The following LINGO3 variants were observed in gnomAD, a reference collection of about 807,000 sequenced individuals.
The protein encoded by LINGO3 is leucine rich repeat and Ig domain containing 3.
For synonymous variants in LINGO3, 427 were observed against 444.2 expected (o/e 0.96, Z 0.49); for missense variants, 750 against 867.7 (o/e 0.86, Z 1.70).
chr19:2,304,701 C>T, the LINGO3 span, among the ~76,000 whole-genome samples: 1 of 142,944 alleles, frequency 7.0e-6, no homozygotes, highest in Admixed American at 7.2e-5. Flanking sequence ...CAGCCTTGGC[C>T]ATGTCCTGCT....
At chr19:2,295,742 AAT>A (rs2025566327), upstream of LINGO3, among the ~76,000 whole-genome samples, 1 of 152,122 alleles carries the variant, frequency 6.6e-6, no homozygotes, top group Admixed American at 6.5e-5. Context: ...CGTCTCAATA[AAT>A]ACATAAATAA....
downstream of LINGO3, among the ~76,000 whole-genome samples, chr19:2,288,896 G>A (rs751187875): frequency 1.4e-4 from 22 of 151,914 alleles, no homozygotes; most frequent in Non-Finnish European, 3.1e-4. The surrounding 1 kb of genome is among the most constrained non-coding windows in gnomAD (Gnocchi z 6.5). Flanking sequence ...GTGCTCTCAC[G>A]AGAGCCCTGC....
Position 2,290,021 on chromosome 19 carries a change from T to TG in LINGO3, c.1755dup (p.Lys586GlnfsTer75), listed in dbSNP as rs1299450700. 2 of 1,541,998 alleles carry TG rather than the reference T, an allele frequency of 1.3e-6. No homozygotes were observed. The highest frequency in any genetic ancestry group is 2.8e-5 in the African/African-American group (2 of 71,714). On this transcript the variant is annotated frameshift_variant, in exon 1 of 1. Coordinates refer to ENST00000585527, the Ensembl canonical transcript of LINGO3. LOFTEE classifies it high-confidence loss of function. This position sits in a 1 kb window ranked among gnomAD's most constrained non-coding sequence, Gnocchi z 6.0. ...CCTCAGATCATCTTCATGTTGAACT[T>TG]GCGCGCGCCTCCCTGGCCCGCCGCG...
At chr19:2,304,544 C>T in the LINGO3 span, among the ~76,000 whole-genome samples, 1,431 of 150,880 alleles carry the variant, frequency 9.5e-3, 25 homozygotes, top group African/African-American at 0.032. Context: ...CGAGAGGAGG[C>T]GGGAGGGTGA....
chr19:2,288,740 G>C (rs1190080337), downstream of LINGO3, among the ~76,000 whole-genome samples: 1 of 152,192 alleles, frequency 6.6e-6, no homozygotes, highest in Non-Finnish European at 1.5e-5. This position sits in a 1 kb window ranked among gnomAD's most constrained non-coding sequence, Gnocchi z 6.5. Context: ...TCCTCAGCAA[G>C]ACCTGAGCCC....
At chr19:2,289,260 C>T (rs944695555), downstream of LINGO3, among the ~76,000 whole-genome samples, 1 of 139,778 alleles carries the variant, frequency 7.2e-6, no homozygotes, top group Admixed American at 7.1e-5. Context: ...GCTGTGTGTT[C>T]TGGGTGTGAG....
exon 1 of LINGO3, chr19:2,291,776 T>C: frequency 2.1e-6 from 3 of 1,401,010 alleles, no homozygotes; most frequent in Non-Finnish European, 2.8e-6. Flanking sequence ...CAGCAGGTCA[T>C]GGTGCGGAGC....
the LINGO3 span, among the ~76,000 whole-genome samples, chr19:2,303,279 A>G: frequency 2.0e-5 from 3 of 152,156 alleles, no homozygotes; most frequent in Non-Finnish European, 4.4e-5. Flanking sequence ...GGGCACAAAC[A>G]GGTGAGAATC....
At chr19:2,305,907 C>T in the LINGO3 span, among the ~76,000 whole-genome samples, 3 of 152,226 alleles carry the variant, frequency 2.0e-5, no homozygotes, top group African/African-American at 7.2e-5. Flanking sequence ...ACCCCTGCAT[C>T]CTCTGCCCTA....
the LINGO3 span, among the ~76,000 whole-genome samples, chr19:2,303,700 C>T: frequency 6.6e-6 from 1 of 152,236 alleles, no homozygotes; most frequent in Non-Finnish European, 1.5e-5. Context: ...CTCACCCAAA[C>T]CTGGAAAGTC....
At chr19:2,297,593 G>A in the LINGO3 span, among the ~76,000 whole-genome samples, 14 of 142,052 alleles carry the variant, frequency 9.9e-5, no homozygotes, top group Non-Finnish European at 1.4e-4. Flanking sequence ...ATAAGCCACC[G>A]CACCCGGCCT....
chr19:2,291,485 A>C, exon 1 of LINGO3: 3 of 1,612,300 alleles, frequency 1.9e-6, no homozygotes, highest in Non-Finnish European at 2.5e-6. Flanking sequence ...AGGTTGGCGA[A>C]GGCGCCGGGC....
the LINGO3 span, among the ~76,000 whole-genome samples, chr19:2,305,465 C>A: frequency 8.5e-5 from 13 of 152,216 alleles, no homozygotes; most frequent in East Asian, 2.3e-3. Context: ...CTCTTGGTGC[C>A]TGGTGGTGTG....
downstream of LINGO3, among the ~76,000 whole-genome samples, chr19:2,288,389 G>C (rs973445262): frequency 3.3e-5 from 5 of 152,236 alleles, no homozygotes; most frequent in African/African-American, 1.2e-4. This position sits in a 1 kb window ranked among gnomAD's most constrained non-coding sequence, Gnocchi z 6.5. Context: ...TTCCCCACCT[G>C]AGCCACGGGT....
chr19:2,289,962 G>GGGGGA (rs1410028010), exon 1 of LINGO3: 34 of 1,452,854 alleles, frequency 2.3e-5, no homozygotes, highest in African/African-American at 2.9e-5. Flanking sequence ...GCCGGCCCGC[G>GGGGGA]GGGGAGGGGA....
upstream of LINGO3, among the ~76,000 whole-genome samples, chr19:2,295,714 C>A (rs928376465): frequency 6.6e-6 from 1 of 151,966 alleles, no homozygotes. Context: ...CCAGCCTGGG[C>A]GACAAGAGGG....
chr19:2,296,796 AAAG>A (rs1330625710), upstream of LINGO3, among the ~76,000 whole-genome samples: 1 of 151,366 alleles, frequency 6.6e-6, no homozygotes, highest in East Asian at 2.0e-4. Context: ...TGTTTTTAAA[AAAG>A]AAGAATAGGC....
At chr19:2,307,568 C>T in the LINGO3 span, among the ~76,000 whole-genome samples, 54 of 152,318 alleles carry the variant, frequency 3.5e-4, no homozygotes, top group African/African-American at 1.2e-3. Flanking sequence ...GGTCCCTCCC[C>T]GCCAGGCCGG....
the LINGO3 span, among the ~76,000 whole-genome samples, chr19:2,302,621 C>A: frequency 6.6e-6 from 1 of 152,196 alleles, no homozygotes; most frequent in Non-Finnish European, 1.5e-5. Context: ...CAGGGCCCCT[C>A]GCTCTGGTGG....
Sources: allele counts gnomAD v4.1 joint callset (sites outside exome capture counted in the v4.1 genomes callset), GRCh38; gene constraint gnomAD v4.1.1; non-coding constraint Gnocchi (gnomAD v3.1); transcripts MANE v1.5; gene names NCBI Gene and HGNC (gene_info 2026-07-23, HGNC 2026-07-21).